The following SLC4A8 variants were observed in gnomAD, a reference collection of about 807,000 sequenced individuals.
The protein encoded by SLC4A8 is solute carrier family 4 member 8, also known as electroneutral sodium bicarbonate exchanger 1.
SLC4A8 carries 40 observed loss-of-function variants against 125.0 expected under a neutral mutation model. That is an observed-to-expected ratio of 0.32 (90% confidence interval 0.25 to 0.42). SLC4A8 has a LOEUF of 0.42. Ranked by LOEUF, SLC4A8 falls within the 10% of genes least tolerant of loss-of-function variation. The pLI is 1.00. For missense variants in SLC4A8, 863 were observed against 1,355.1 expected, an observed-to-expected ratio of 0.64 and a Z score of 5.70; for synonymous variants, 456 against 476.0, an observed-to-expected ratio of 0.96 and a Z score of 0.55.
At chr12:51,406,740 C>G (rs1038678925) in intron 1 of SLC4A8, among the ~76,000 whole-genome samples, 1 of 152,208 alleles carries the variant, frequency 6.6e-6, no homozygotes, top group Non-Finnish European at 1.5e-5. Flanking sequence ...GCAGCAATAT[C>G]AGGTCTGTGG....
chr12:51,483,838 A>G (rs1951094662), intron 16 of SLC4A8, among the ~76,000 whole-genome samples: 1 of 152,010 alleles, frequency 6.6e-6, no homozygotes, highest in Admixed American at 6.6e-5. Context: ...TGCTGCACCC[A>G]TTACCTCATC....
In SLC4A8 at chr12:51,440,851, C is replaced by T. The variant is rs1371608982; in HGVS notation, c.130+62C>T. 1.2e-5 allele frequency: 17 copies of T among 1,383,440 alleles called. No homozygotes were observed. The East Asian group carries it at 4.1e-4, about 33-fold the overall frequency. 85.7% of individuals were successfully genotyped at this position (1,383,440 alleles called of 1,614,324 possible). ...TGAGGGGCAGCCTGGTGTGGGAAGA[C>T]CTGGCTCTGTGTCCTAACTCTCTCA... On this transcript the variant is annotated intron_variant, in intron 2 of 24. Transcript: ENST00000453097.
intron 1 of SLC4A8, among the ~76,000 whole-genome samples, chr12:51,417,142 T>A (rs1291993007): frequency 6.6e-6 from 1 of 152,080 alleles, no homozygotes; most frequent in Admixed American, 6.6e-5. Context: ...CATAACCACA[T>A]TACCATCATC....
chr12:51,413,933 G>T lies in SLC4A8; in HGVS notation c.-112+22445G>T, dbSNP rs552987011. ...TTTTTTGGTTTCAGACAAATTTTAC[G>T]ATTATTTTTTCTATTTCTGTGACGA... On this transcript the variant is annotated intron_variant, in intron 1 of 24. Coordinates refer to the SLC4A8 transcript ENST00000358657. 1.4e-4 allele frequency among the ~76,000 whole-genome samples: 22 copies of T among 152,138 alleles called. No individual in the cohort carries two copies. The South Asian group carries it at 1.7e-3, about 12-fold the overall frequency.
chr12:51,402,690 C>T (rs1948414717), intron 1 of SLC4A8, among the ~76,000 whole-genome samples: 1 of 152,012 alleles, frequency 6.6e-6, no homozygotes, highest in Admixed American at 6.6e-5. Flanking sequence ...CCATTGCACT[C>T]CAACCTGGGG....
chr12:51,511,534 T>G lies in SLC4A8; in HGVS notation c.*4096T>G, dbSNP rs1472263934. The G allele has an allele frequency of 6.6e-6, 1 of 152,162 alleles. No individual in the cohort carries two copies. Among genetic ancestry groups the G allele is most frequent in the African/African-American group, 2.4e-5 (1 of 41,394 alleles). 9.4% of individuals were successfully genotyped at this position (152,162 alleles called of 1,614,324 possible). On this transcript the variant is annotated 3_prime_UTR_variant, in exon 25 of 25. Transcript: ENST00000453097. ...CCTCCCAAGTAGCTAGGATTACAGG[T>G]GCGCACCACCATGCCCAGCTAATTT...
chr12:51,495,178 A>G (rs1951428756), intron 21 of SLC4A8, 60 bp downstream of exon 21: 3 of 1,397,834 alleles, frequency 2.1e-6, no homozygotes, highest in Non-Finnish European at 3.0e-6. Flanking sequence ...GTGGTAAAAT[A>G]TTATAACTTT....
chr12:51,411,045 GT>G (rs58816269), intron 1 of SLC4A8, among the ~76,000 whole-genome samples: 2,413 of 122,896 alleles, frequency 0.02, 57 homozygotes, highest in African/African-American at 0.065. Flanking sequence ...TGGCCAATCT[GT>G]TTTTTTTTTT....
At chr12:51,490,629 G>A (rs1034710737) in intron 19 of SLC4A8, among the ~76,000 whole-genome samples, 3 of 151,522 alleles carry the variant, frequency 2.0e-5, no homozygotes, top group Non-Finnish European at 4.4e-5. Flanking sequence ...TGGCATGGAA[G>A]GAGGGGAGAA....
intron 19 of SLC4A8, among the ~76,000 whole-genome samples, chr12:51,490,325 G>A (rs1445915348): frequency 6.6e-6 from 1 of 151,974 alleles, no homozygotes; most frequent in Non-Finnish European, 1.5e-5. Flanking sequence ...GGAGGCTGAG[G>A]TGGGTGGATC....
intron 15 of SLC4A8, among the ~76,000 whole-genome samples, chr12:51,474,731 C>G (rs1165314822): frequency 1.3e-5 from 2 of 152,120 alleles, no homozygotes; most frequent in African/African-American, 4.8e-5. Flanking sequence ...CAGATCCAGA[C>G]ATGTAGGGTT....
At chr12:51,483,721 G>A (rs115015272) in intron 16 of SLC4A8, among the ~76,000 whole-genome samples, 2,346 of 152,016 alleles carry the variant, frequency 0.015, 74 homozygotes, top group African/African-American at 0.054. Context: ...AGTATAATGC[G>A]AAAATTTTAA....
Position 51,484,355 on chromosome 12 carries a change from GA to G in SLC4A8, c.2173-1431del, listed in dbSNP as rs530662796. Among the ~76,000 whole-genome samples the G allele has an allele frequency of 1.4e-4, 21 of 152,304 alleles. No individual in the cohort carries two copies. In the South Asian group the frequency reaches 4.4e-3, roughly 32 times the overall value. ...ACTTAAAAGATAGTATCTGTCATCA[GA>G]TAGGAAGGAAAAACACATGAAACAA... On this transcript the variant is annotated intron_variant, in intron 16 of 24. Transcript: ENST00000453097.
intron 21 of SLC4A8, among the ~76,000 whole-genome samples, chr12:51,495,733 C>T (rs1450858250): frequency 1.3e-5 from 2 of 152,032 alleles, no homozygotes; most frequent in Non-Finnish European, 2.9e-5. Flanking sequence ...CCACCCGTCT[C>T]AACCTCCCAA....
intron 1 of SLC4A8, among the ~76,000 whole-genome samples, chr12:51,409,274 T>C (rs966753637): frequency 6.6e-6 from 1 of 152,218 alleles, no homozygotes; most frequent in African/African-American, 2.4e-5. Flanking sequence ...CTCAGTAGTA[T>C]TTTAATGACT....
intron 16 of SLC4A8, among the ~76,000 whole-genome samples, chr12:51,476,068 T>C (rs1391187115): frequency 2.6e-5 from 4 of 152,208 alleles, no homozygotes; most frequent in Non-Finnish European, 4.4e-5. Context: ...TACCACAGTA[T>C]ACCAAGCTAA....
At chr12:51,439,757 A>C (rs1949536441) in intron 1 of SLC4A8, among the ~76,000 whole-genome samples, 1 of 152,238 alleles carries the variant, frequency 6.6e-6, no homozygotes, top group Admixed American at 6.5e-5. Flanking sequence ...ACCTGAAGGC[A>C]TATGGTAGGC....
chr12:51,443,534 A>G (rs909849119), intron 2 of SLC4A8, among the ~76,000 whole-genome samples: 3 of 152,172 alleles, frequency 2.0e-5, no homozygotes, highest in Admixed American at 6.5e-5. Flanking sequence ...TCCCAGAGGA[A>G]CAAGAGGCAG....
intron 1 of SLC4A8, among the ~76,000 whole-genome samples, chr12:51,419,637 G>A (rs1029566407): frequency 6.6e-6 from 1 of 152,124 alleles, no homozygotes; most frequent in African/African-American, 2.4e-5. Context: ...CTTGACTTGC[G>A]GATGACAACC....
Sources: allele counts gnomAD v4.1 joint callset (sites outside exome capture counted in the v4.1 genomes callset), GRCh38; gene constraint gnomAD v4.1.1; transcripts MANE v1.5; gene names NCBI Gene and HGNC (gene_info 2026-07-23, HGNC 2026-07-21).